DNAH7: variants seen among roughly 807,000 people sequenced by gnomAD.
DNAH7 encodes axonemal beta dynein heavy chain 7.
In DNAH7, 397 loss-of-function variants were observed where a neutral mutation model predicts 444.6. The ratio of observed to expected loss-of-function variants is 0.89; its 90% CI spans 0.82 to 0.97. The LOEUF (loss-of-function observed/expected upper bound fraction) is 0.97, where lower values mean the gene tolerates loss of function less well. Ranked by LOEUF, DNAH7 falls within the 50% of genes least tolerant of loss-of-function variation. The pLI is 0.00. For missense variants in DNAH7, 4,902 were observed against 4,800.8 expected (o/e 1.02, Z -0.62); for synonymous variants, 1,636 against 1,624.4 (o/e 1.01, Z -0.17).
intron 61 of DNAH7, 142 bp downstream of exon 61, chr2:195,771,518 G>C (rs1694838878): frequency 3.0e-6 from 2 of 657,612 alleles, no homozygotes; most frequent in Admixed American, 5.8e-5. Context: ...GCTCCTCAAG[G>C]GCAAGAATTA....
chr2:195,816,849 A>G lies in DNAH7; in HGVS notation c.9540T>C (p.Asn3180=), dbSNP rs1697245823. 1 of 1,613,980 alleles carries G rather than the reference A, an allele frequency of 6.2e-7. No homozygotes were observed. Among genetic ancestry groups the G allele is most frequent in the African/African-American group, 1.3e-5 (1 of 74,918 alleles). The change falls in exon 51 of 65, where the codon AAT becomes AAC. Residue 3180 remains asparagine, a synonymous_variant. Coordinates refer to ENST00000312428, the MANE Select transcript of DNAH7 (RefSeq NM_018897.3). ...KILSSSKALA[N]EISQKQEVAE... ...CTACTTCCTGCTTCTGAGAAATCTC[A>G]TTAGCCAAGGCCTTGGAGGAAGATA...
intron 47 of DNAH7, among the ~76,000 whole-genome samples, chr2:195,842,470 C>T (rs1698743956): frequency 1.3e-5 from 2 of 152,012 alleles, no homozygotes. Flanking sequence ...GAAGAGGGCA[C>T]TGCACAGGTA....
At chr2:195,892,727 A>C (rs1355045677) in intron 30 of DNAH7, 1 of 152,046 alleles carries the variant, frequency 6.6e-6, no homozygotes, top group Non-Finnish European at 1.5e-5. Context: ...GGGTTTTGCC[A>C]AGTGTGTAGT....
chr2:195,829,821 T>G lies in DNAH7; in HGVS notation c.9100+4385A>C, dbSNP rs1697972388. Among the ~76,000 whole-genome samples, 3 of 152,034 alleles carry G rather than the reference T, an allele frequency of 2.0e-5. No individual in the cohort carries two copies. The South Asian group carries it at 6.2e-4, about 31-fold the overall frequency. On this transcript the variant is annotated intron_variant, in intron 48 of 64. Coordinates refer to ENST00000312428, the MANE Select transcript of DNAH7 (RefSeq NM_018897.3). The stretch of plus-strand genomic sequence containing the variant: ...TTTTCCCCCAATTTTGAAAAATTTA[T>G]TGTCTTATTGCTAGAATCAAGTCTT...
At chr2:195,956,425 TG>T (rs1246591354) in intron 19 of DNAH7, among the ~76,000 whole-genome samples, 1 of 152,002 alleles carries the variant, frequency 6.6e-6, no homozygotes, top group African/African-American at 2.4e-5. Flanking sequence ...CCGAGGCGGG[TG>T]GATCACTTGA....
At chr2:196,061,251 T>A (rs1164243450) in intron 1 of DNAH7, among the ~76,000 whole-genome samples, 1 of 152,290 alleles carries the variant, frequency 6.6e-6, no homozygotes, top group South Asian at 2.1e-4. Flanking sequence ...TCCTCAGGTA[T>A]GTTTCCTTTC....
At chr2:195,760,588 C>T (rs1694304192) in intron 61 of DNAH7, among the ~76,000 whole-genome samples, 1 of 151,936 alleles carries the variant, frequency 6.6e-6, no homozygotes, top group African/African-American at 2.4e-5. Context: ...AGAGAGAGTC[C>T]ATGTGTTTAT....
Position 195,987,104 on chromosome 2 carries a change from T to G in DNAH7, c.1716A>C (p.Leu572=), listed in dbSNP as rs529950421. Residue 572 remains leucine, a synonymous_variant, in exon 14 of 65, where the codon CTA becomes CTC. Transcript: ENST00000312428. ...KRADIICGKL[L]AKMFRDHQEV... is the part of the protein sequence containing the mutation. ...CCTGATGATCTCTGAACATTTTAGCTAGAAGTTTCCCACAAATAATATCTG... is the reference window on the plus strand; with the variant it reads ...CCTGATGATCTCTGAACATTTTAGCGAGAAGTTTCCCACAAATAATATCTG... 9.9e-6 allele frequency: 16 copies of G among 1,608,230 alleles called. No individual in the cohort carries two copies. The South Asian group carries it at 1.5e-4, about 15-fold the overall frequency.
At chr2:196,006,182 T>C (rs1049657926) in intron 10 of DNAH7, among the ~76,000 whole-genome samples, 4 of 152,068 alleles carry the variant, frequency 2.6e-5, no homozygotes, top group African/African-American at 7.2e-5. Context: ...GGCACATGCC[T>C]GTAGTCCCAG....
chr2:195,972,393 AG>A lies in DNAH7; in HGVS notation c.1906del (p.Leu636SerfsTer15). 6.2e-7 allele frequency: 1 copy of A among 1,614,126 alleles called. No individual in the cohort carries two copies. The highest frequency in any genetic ancestry group is 8.5e-7 in the Non-Finnish European group (1 of 1,179,992). On this transcript the variant is annotated frameshift_variant, in exon 16 of 65. Transcript: ENST00000312428. LOFTEE classifies it high-confidence loss of function. ...EQRLVDSKNC[L>X]AFLIEYVNFS... Reference sequence around the variant, plus strand: ...GTTGACATACTCGATGAGGAAGGCGAGGCAGTTTTTGGAATCCACTAATCTC... The same window carrying A: ...GTTGACATACTCGATGAGGAAGGCGAGCAGTTTTTGGAATCCACTAATCTC...
chr2:196,059,941 C>T (rs1001187350), intron 1 of DNAH7, among the ~76,000 whole-genome samples: 1 of 152,074 alleles, frequency 6.6e-6, no homozygotes. Flanking sequence ...TCTGGCTGGG[C>T]GCAGTGGCTC....
Position 195,858,748 on chromosome 2 carries a change from G to A in DNAH7, c.7793C>T (p.Ala2598Val). The change falls in exon 43 of 65, where the codon GCT (alanine) becomes GTT (valine). Residue 2598 changes from alanine to valine, a missense_variant. Coordinates refer to ENST00000312428, the MANE Select transcript of DNAH7 (RefSeq NM_018897.3). ...YEVGLEKLDS[A>V]SSQVATMQME... ...CTGCATTGTGGCTACTTGAGATGAA[G>A]CAGAATCCAGTTTCTCCAAACCCAC... is the stretch of plus-strand genomic sequence containing the variant. 1 of 1,613,768 alleles carries A rather than the reference G, an allele frequency of 6.2e-7. No individual in the cohort carries two copies.
intron 30 of DNAH7, among the ~76,000 whole-genome samples, chr2:195,892,037 A>C (rs1702041294): frequency 6.6e-6 from 1 of 152,210 alleles, no homozygotes; most frequent in African/African-American, 2.4e-5. Context: ...AATAGTATTT[A>C]AAAGCTCACA....
chr2:196,001,577 T>G, intron 11 of DNAH7, 98 bp downstream of exon 11: 1 of 1,171,038 alleles, frequency 8.5e-7, no homozygotes, highest in East Asian at 2.8e-5. Context: ...AAGATGTACT[T>G]TCTGCCCTCT....
chr2:196,051,123 T>G, intron 3 of DNAH7, 64 bp downstream of exon 3: 1 of 1,455,694 alleles, frequency 6.9e-7, no homozygotes, highest in East Asian at 2.3e-5. Flanking sequence ...ATTTTCAAGT[T>G]AGAAAACTAA....
At chr2:196,039,606 T>C (rs182763989) in intron 5 of DNAH7, among the ~76,000 whole-genome samples, 37 of 152,212 alleles carry the variant, frequency 2.4e-4, no homozygotes, top group African/African-American at 8.7e-4. Flanking sequence ...GAGACTAGCC[T>C]GGCCAACGTG....
rs370066491 is a variant in DNAH7 at position 195,881,930 on chromosome 2, A to G, written c.5826T>C (p.Asp1942=). ...KLKEAPPIPK[D]VMFNEIIVPT... ...GCACAATGATTTCATTAAACATTAC[A>G]TCTTTAGGAATTGGAGGAGCTTCTT... Residue 1942 remains aspartate, a synonymous_variant, in exon 36 of 65, where the codon GAT becomes GAC. Coordinates refer to ENST00000312428, the MANE Select transcript of DNAH7 (RefSeq NM_018897.3). 1.9e-6 allele frequency: 3 copies of G among 1,613,862 alleles called. No individual in the cohort carries two copies. Among genetic ancestry groups the G allele is most frequent in the Non-Finnish European group, 2.5e-6 (3 of 1,179,926 alleles).
intron 48 of DNAH7, among the ~76,000 whole-genome samples, chr2:195,828,025 T>G (rs1016506029): frequency 5.3e-5 from 8 of 152,220 alleles, no homozygotes; most frequent in African/African-American, 7.2e-5. Context: ...CATTGTAAAT[T>G]CGGCCAATCT....
chr2:196,000,269 G>A (rs1693953243), intron 12 of DNAH7, among the ~76,000 whole-genome samples: 1 of 152,134 alleles, frequency 6.6e-6, no homozygotes, highest in Admixed American at 6.6e-5. Flanking sequence ...CTGTGGAAAT[G>A]TCATAGATTA....
Sources: allele counts gnomAD v4.1 joint callset (sites outside exome capture counted in the v4.1 genomes callset), GRCh38; gene constraint gnomAD v4.1.1; transcripts MANE v1.5; gene names NCBI Gene and HGNC (gene_info 2026-07-23, HGNC 2026-07-21).